Variants in RBFOX1 observed in about 807,000 individuals in gnomAD.
RBFOX1 encodes the protein RNA binding fox-1 homolog 1, also known as RNA binding protein fox-1 homolog 1.
RBFOX1 carries 8 observed loss-of-function variants against 57.7 expected under a neutral mutation model. That is an observed-to-expected ratio of 0.14 (90% CI 0.08 to 0.25). The LOEUF is 0.25. RBFOX1 is among the 10% of genes least tolerant of loss of function. The pLI is 1.00. For synonymous variants in RBFOX1, 326 were observed against 222.4 expected, an observed-to-expected ratio of 1.47 and a Z score of -4.15; for missense variants, 611 against 548.5, an observed-to-expected ratio of 1.11 and a Z score of -1.14.
At chr16:5,461,504 C>G (rs1029889073) in intron 1 of RBFOX1, among the ~76,000 whole-genome samples, 4 of 152,164 alleles carry the variant, frequency 2.6e-5, no homozygotes, top group East Asian at 1.9e-4. Flanking sequence ...ACCAACCAGG[C>G]TCTGATGAAA....
chr16:6,291,366 G>A (rs1306793139), intron 1 of RBFOX1, among the ~76,000 whole-genome samples: 1 of 152,156 alleles, frequency 6.6e-6, no homozygotes, highest in Admixed American at 6.5e-5. Context: ...TTCTCTTGCT[G>A]GGGTTAGATG....
intron 1 of RBFOX1, among the ~76,000 whole-genome samples, chr16:6,123,614 G>A (rs2096567610): frequency 6.6e-6 from 1 of 152,190 alleles, no homozygotes; most frequent in African/African-American, 2.4e-5. Context: ...TGTACTCAAT[G>A]CCACTGAACT....
chr16:5,370,462 C>CTTT (rs34715441), intron 1 of RBFOX1, among the ~76,000 whole-genome samples: 23,776 of 140,950 alleles, frequency 0.17, 2,390 homozygotes, highest in Non-Finnish European at 0.22. Flanking sequence ...GCCTCCTCCT[C>CTTT]TTTTTTTTTT....
chr16:6,441,521 A>C lies in RBFOX1; in HGVS notation c.-64+124464A>C, dbSNP rs549992773. 3.9e-5 allele frequency among the ~76,000 whole-genome samples: 6 copies of C among 152,086 alleles called. No individual in the cohort carries two copies. In the East Asian group the frequency reaches 1.2e-3, roughly 29 times the overall value. Reference sequence around the variant, plus strand: ...AACCTCTGCCTCCAGGATTCAAGCAATTCTCCTGCCTCAGCCTCCCAAGTA... The same window carrying C: ...AACCTCTGCCTCCAGGATTCAAGCACTTCTCCTGCCTCAGCCTCCCAAGTA... On this transcript the variant is annotated intron_variant, in intron 2 of 15. Coordinates refer to ENST00000550418, the MANE Select transcript of RBFOX1 (RefSeq NM_018723.4).
At chr16:5,908,544 G>A (rs371273821) in intron 4 of RBFOX1, among the ~76,000 whole-genome samples, 24 of 151,816 alleles carry the variant, frequency 1.6e-4, no homozygotes, top group Admixed American at 4.6e-4. Context: ...GTAGAGAAGC[G>A]TTTTCACCAT....
chr16:5,765,260 A>G (rs767051494), intron 3 of RBFOX1, among the ~76,000 whole-genome samples: 3 of 152,196 alleles, frequency 2.0e-5, no homozygotes, highest in Non-Finnish European at 4.4e-5. Flanking sequence ...AGGGCCAAGG[A>G]TACCAGCAGC....
chr16:5,879,745 T>C (rs2057716077), intron 4 of RBFOX1, among the ~76,000 whole-genome samples: 1 of 152,216 alleles, frequency 6.6e-6, no homozygotes, highest in African/African-American at 2.4e-5. Flanking sequence ...CCATGCTATG[T>C]CTGATGAGAG....
chr16:6,747,618 G>A (rs2074021248), intron 3 of RBFOX1, among the ~76,000 whole-genome samples: 2 of 152,070 alleles, frequency 1.3e-5, no homozygotes. Context: ...AAACATCTCA[G>A]ATATTGTCTC....
intron 4 of RBFOX1, among the ~76,000 whole-genome samples, chr16:7,211,391 C>CAAAAAAAAAAAAA (rs57333413): frequency 1.2e-5 from 1 of 83,940 alleles, no homozygotes; most frequent in Non-Finnish European, 2.2e-5. Context: ...GACTGCCTCT[C>CAAAAAAAAAAAAA]AAAAAAAAAA....
intron 3 of RBFOX1, among the ~76,000 whole-genome samples, chr16:5,742,832 T>C (rs2052825703): frequency 6.6e-6 from 1 of 152,112 alleles, no homozygotes; most frequent in Non-Finnish European, 1.5e-5. Context: ...AAAGAACCAA[T>C]GGGGGCTAAG....
intron 2 of RBFOX1, among the ~76,000 whole-genome samples, chr16:6,649,686 G>A (rs1602692494): frequency 6.6e-6 from 1 of 152,076 alleles, no homozygotes; most frequent in African/African-American, 2.4e-5. Flanking sequence ...TGCTGTGAAT[G>A]CCATTATTTC....
rs150347759 is a variant in RBFOX1, at chr16:5,746,655, A to G, written c.319-120648A>G. 8.3e-4 allele frequency among the ~76,000 whole-genome samples: 126 copies of G among 152,274 alleles called. 3 individuals carry two copies. In the East Asian group the frequency reaches 0.023, roughly 28 times the overall value. On this transcript the variant is annotated intron_variant, in intron 3 of 19. Coordinates refer to the RBFOX1 transcript ENST00000641259. ...AGTTCTCCTTGAAGAGGTCCTTCAC[A>G]TCCCTTGTAAGTTGGATTCCTAGAT...
At chr16:7,499,837 C>T (rs367789928) in intron 4 of RBFOX1, among the ~76,000 whole-genome samples, 1 of 151,786 alleles carries the variant, frequency 6.6e-6, no homozygotes, top group East Asian at 1.9e-4. Flanking sequence ...CTACAATATC[C>T]TAAGTTGCAC....
At chr16:5,318,583 CCAAAAAAACAAA>C (rs1320539205) in intron 1 of RBFOX1, among the ~76,000 whole-genome samples, 2 of 96,284 alleles carry the variant, frequency 2.1e-5, no homozygotes, top group Non-Finnish European at 5.7e-5. Flanking sequence ...TTGACTTATA[CCAAAAAAACAAA>C]CAAAAAAACA....
intron 4 of RBFOX1, among the ~76,000 whole-genome samples, chr16:5,906,732 T>G (rs1176258796): frequency 2.4e-5 from 3 of 125,930 alleles, no homozygotes; most frequent in Non-Finnish European, 4.8e-5. Flanking sequence ...AGATTCTTTT[T>G]TTTTTTTTTT....
At chr16:5,991,546 G>A (rs2060397057) in intron 4 of RBFOX1, among the ~76,000 whole-genome samples, 1 of 152,252 alleles carries the variant, frequency 6.6e-6, no homozygotes, top group East Asian at 1.9e-4. Context: ...GGCTGGATAG[G>A]AGCTGGGAGA....
intron 4 of RBFOX1, among the ~76,000 whole-genome samples, chr16:7,231,897 G>A (rs2093516422): frequency 6.6e-6 from 1 of 152,190 alleles, no homozygotes; most frequent in African/African-American, 2.4e-5. Context: ...TACAGGCTAG[G>A]AGGAAGGGGT....
chr16:6,968,169 C>T (rs1431957495), intron 3 of RBFOX1, among the ~76,000 whole-genome samples: 1 of 152,154 alleles, frequency 6.6e-6, no homozygotes, highest in Non-Finnish European at 1.5e-5. Flanking sequence ...GGAACCCCCT[C>T]TCCGTGGGTG....
intron 1 of RBFOX1, among the ~76,000 whole-genome samples, chr16:5,340,298 G>A (rs1305753286): frequency 1.3e-5 from 2 of 152,288 alleles, no homozygotes; most frequent in African/African-American, 4.8e-5. Flanking sequence ...ATTTGGACCA[G>A]GTTTGTGGTT....
Sources: gnomAD v4.1 joint callset for allele counts (sites outside exome capture counted in the v4.1 genomes callset) on GRCh38, gnomAD v4.1.1 for gene constraint, MANE v1.5 for transcripts, NCBI Gene and HGNC (gene_info 2026-07-23, HGNC 2026-07-21) for gene names.